PIAS4: variants seen among roughly 807,000 people sequenced by gnomAD.
PIAS4 encodes protein inhibitor of activated STAT 4.
A neutral mutation model predicts 58.0 loss-of-function variants in PIAS4; 7 were observed. The observed-to-expected ratio is 0.12, with a 90% confidence interval of 0.07 to 0.23. The LOEUF (loss-of-function observed/expected upper bound fraction) is 0.23, where lower values mean the gene tolerates loss of function less well. PIAS4 is among the 10% of genes least tolerant of loss of function. PIAS4 has a pLI of 1.00. For missense variants in PIAS4, 550 were observed against 709.5 expected, an observed-to-expected ratio of 0.78 and a Z score of 2.55; for synonymous variants, 364 against 312.4, an observed-to-expected ratio of 1.17 and a Z score of -1.74.
At chr19:4,036,770 C>T (rs1036892943) in intron 9 of PIAS4, among the ~76,000 whole-genome samples, 10 of 145,332 alleles carry the variant, frequency 6.9e-5, no homozygotes, top group South Asian at 4.4e-4. Flanking sequence ...TGGTCTACAC[C>T]GTCACACACA....
chr19:4,035,639 A>C (rs1388206887), intron 9 of PIAS4, among the ~76,000 whole-genome samples: 1 of 152,048 alleles, frequency 6.6e-6, no homozygotes, highest in East Asian at 1.9e-4. Context: ...TTGAGCAGCC[A>C]GCACCTTCAC....
At chr19:4,029,337 C>T (rs756746063) in intron 7 of PIAS4, among the ~76,000 whole-genome samples, 55 of 152,124 alleles carry the variant, frequency 3.6e-4, no homozygotes, top group African/African-American at 1.2e-3. Context: ...AGCCTCATTC[C>T]GGGACAGCAC....
intron 2 of PIAS4, among the ~76,000 whole-genome samples, chr19:4,022,602 G>A (rs921993432): frequency 2.6e-5 from 4 of 151,760 alleles, no homozygotes; most frequent in South Asian, 2.1e-4. Flanking sequence ...TCCTGACCTC[G>A]TGATCCACCC....
intron 3 of PIAS4, among the ~76,000 whole-genome samples, chr19:4,024,808 C>T (rs10415590): frequency 0.87 from 132,296 of 151,834 alleles, 58,332 homozygotes; most frequent in East Asian, 0.96. Context: ...TCCAGGCTTC[C>T]AGGCTGGAGT....
In PIAS4 at chr19:4,013,396, C is replaced by T. The variant is rs2040019039; in HGVS notation, c.454+47C>T. ...GCTGCGACTGGAGGCTTCACCTAGGCCCCGTCGCCCAGCCCAGCCCAGCCA... is the reference window on the plus strand; with the variant it reads ...GCTGCGACTGGAGGCTTCACCTAGGTCCCGTCGCCCAGCCCAGCCCAGCCA... On this transcript the variant is annotated intron_variant, in intron 2 of 10. Coordinates refer to ENST00000262971, the MANE Select transcript of PIAS4 (RefSeq NM_015897.4). The surrounding 1 kb of genome is among the most constrained non-coding windows in gnomAD (Gnocchi z 5.1). 1 of 1,521,138 alleles carries T rather than the reference C, an allele frequency of 6.6e-7. No individual in the cohort carries two copies. Among genetic ancestry groups the T allele is most frequent in the Non-Finnish European group, 9.0e-7 (1 of 1,111,542 alleles). The allele number at this position is 1,521,138 out of a possible 1,614,324, so 94.2% of individuals were successfully genotyped here.
At position 4,036,496 on chromosome 19, in the gene PIAS4, TCATA is replaced by T. The variant is rs1188474219; in HGVS notation, c.1143-875_1143-872del. Among the ~76,000 whole-genome samples, 9 of 127,688 alleles carry T rather than the reference TCATA, an allele frequency of 7.0e-5. 1 individual carries two copies. Among genetic ancestry groups the T allele is most frequent in the African/African-American group, 9.8e-5 (3 of 30,722 alleles). The allele number at this position is 127,688 out of a possible 152,430, so 83.8% of individuals were successfully genotyped here. On this transcript the variant is annotated intron_variant, in intron 9 of 10. Transcript: ENST00000262971. ...TCACACATCCATACAGTCCACACCGTCATACAAACACACACACATCTATACAGTC... is the reference window on the plus strand; with the variant it reads ...TCACACATCCATACAGTCCACACCGTCAAACACACACACATCTATACAGTC...
chr19:4,039,326 A>G lies in PIAS4; in HGVS notation c.*1451A>G, dbSNP rs993196527. The stretch of plus-strand genomic sequence containing the variant: ...CAGCTGAAGGCCGCTGTTTTCTAAT[A>G]TTTGTATTCTAATTTAATTGTTTTT... On this transcript the variant is annotated 3_prime_UTR_variant, in exon 11 of 11. Transcript: ENST00000262971. 2 of 152,212 alleles carry G rather than the reference A, an allele frequency of 1.3e-5. No individual in the cohort carries two copies. The highest frequency in any genetic ancestry group is 4.8e-5 in the African/African-American group (2 of 41,452). The allele number at this position is 152,212 out of a possible 1,614,324, so 9.4% of individuals were successfully genotyped here. A position where few individuals can be genotyped will look rare whatever the true frequency, so the allele number is the denominator to read the frequency against.
Position 4,038,982 on chromosome 19 carries a change from C to T in PIAS4, c.*1107C>T, listed in dbSNP as rs2040333180. On this transcript the variant is annotated 3_prime_UTR_variant, in exon 11 of 11. Coordinates refer to ENST00000262971, the MANE Select transcript of PIAS4 (RefSeq NM_015897.4). This position sits in a 1 kb window ranked among gnomAD's most constrained non-coding sequence, Gnocchi z 4.1. ...TCGCAGGCCCCACCCATGCCCTTGG[C>T]CTCAGGGTCCAACAACTGGGGGAGC... 6.6e-6 allele frequency: 1 copy of T among 152,370 alleles called. No individual in the cohort carries two copies. Among genetic ancestry groups the T allele is most frequent in the South Asian group, 2.1e-4 (1 of 4,834 alleles). The allele number at this position is 152,370 out of a possible 1,614,324, so 9.4% of individuals were successfully genotyped here. A position where few individuals can be genotyped will look rare whatever the true frequency, so the allele number is the denominator to read the frequency against.
At position 4,037,683 on chromosome 19, in the gene PIAS4, G is replaced by T. The variant is rs376116689; in HGVS notation, c.1341G>T (p.Thr447=). Residue 447 remains threonine, a synonymous_variant, in exon 11 of 11, where the codon ACG becomes ACT. Coordinates refer to ENST00000262971, the MANE Select transcript of PIAS4 (RefSeq NM_015897.4). This position sits in a 1 kb window ranked among gnomAD's most constrained non-coding sequence, Gnocchi z 5.8. ...SVNGSGALGS[T]GGGGPVGSME... ...ACGGGAGCGGTGCCCTGGGCAGCACGGGTGGCGGCGGCCCGGTGGGCAGCA... is the reference window on the plus strand; with the variant it reads ...ACGGGAGCGGTGCCCTGGGCAGCACTGGTGGCGGCGGCCCGGTGGGCAGCA... 6.2e-7 allele frequency: 1 copy of T among 1,611,958 alleles called. No homozygotes were observed. The highest frequency in any genetic ancestry group is 2.2e-5 in the East Asian group (1 of 44,872).
chr19:4,020,996 C>T (rs982440574), intron 2 of PIAS4, among the ~76,000 whole-genome samples: 3 of 152,160 alleles, frequency 2.0e-5, no homozygotes, highest in Admixed American at 6.5e-5. Context: ...TCTGTGCTTA[C>T]CTTTATAAGG....
intron 9 of PIAS4, among the ~76,000 whole-genome samples, chr19:4,036,679 T>C (rs566012070): frequency 7.4e-6 from 1 of 134,622 alleles, no homozygotes; most frequent in East Asian, 2.0e-4. Context: ...GTCCACACCG[T>C]CACACATCCA....
At position 4,014,313 on chromosome 19, in the gene PIAS4, G is replaced by T. The variant is rs1316556699; in HGVS notation, c.454+964G>T. Among the ~76,000 whole-genome samples the T allele has an allele frequency of 2.0e-5, 3 of 152,128 alleles. No homozygotes were observed. The East Asian group carries it at 5.8e-4, about 29-fold the overall frequency. On this transcript the variant is annotated intron_variant, in intron 2 of 10. Coordinates refer to ENST00000262971, the MANE Select transcript of PIAS4 (RefSeq NM_015897.4). ...CCCCTGGTGCCTCCCCAGCAGCCGT[G>T]GCCATTCAGGCTGCAGGTGGGCATT...
intron 7 of PIAS4, among the ~76,000 whole-genome samples, chr19:4,030,155 A>G (rs1047160106): frequency 1.4e-5 from 2 of 146,582 alleles, no homozygotes; most frequent in Non-Finnish European, 3.0e-5. Flanking sequence ...TAGAGATGGA[A>G]TCTTGCTGTG....
chr19:4,011,656 TTTGGTGTGGAGGTGTGG>T (rs1229099035), intron 1 of PIAS4, among the ~76,000 whole-genome samples: 4,045 of 148,242 alleles, frequency 0.027, 79 homozygotes, highest in Middle Eastern at 0.064. Context: ...TGGAGGTGTG[TTTGGTGTGGAGGTGTGG>T]GGGGTGTGGA....
intron 1 of PIAS4, among the ~76,000 whole-genome samples, chr19:4,012,453 G>A (rs148628805): frequency 2.6e-3 from 390 of 152,182 alleles, no homozygotes; most frequent in African/African-American, 8.9e-3. Flanking sequence ...TGGCGAGACC[G>A]AAGGGAAAAC....
rs745893168 is a variant in PIAS4 at position 4,037,573 on chromosome 19, G to A, written c.1274-43G>A. The A allele has an allele frequency of 1.2e-6, 2 of 1,607,440 alleles. No homozygotes were observed. Among genetic ancestry groups the A allele is most frequent in the Non-Finnish European group, 1.7e-6 (2 of 1,179,746 alleles). On this transcript the variant is annotated intron_variant, in intron 10 of 10. Coordinates refer to ENST00000262971, the MANE Select transcript of PIAS4 (RefSeq NM_015897.4). The surrounding 1 kb of genome is among the most constrained non-coding windows in gnomAD (Gnocchi z 5.8). ...CGCCTCAGTTTCCCCATTTATCAGTGGTTGCATCCTAAGTACCTGCACCCT... is the reference window on the plus strand; with the variant it reads ...CGCCTCAGTTTCCCCATTTATCAGTAGTTGCATCCTAAGTACCTGCACCCT...
At chr19:4,025,071 G>A (rs2040149229) in intron 3 of PIAS4, among the ~76,000 whole-genome samples, 1 of 152,220 alleles carries the variant, frequency 6.6e-6, no homozygotes, top group African/African-American at 2.4e-5. Flanking sequence ...GCGGAAGTCA[G>A]GTTTTTTCCC....
chr19:4,014,348 C>A (rs2040030404), intron 2 of PIAS4, among the ~76,000 whole-genome samples: 1 of 152,182 alleles, frequency 6.6e-6, no homozygotes, highest in Admixed American at 6.5e-5. Context: ...TGAGCCCAGT[C>A]TCTGCCTCAG....
chr19:4,033,038 TCA>T (rs2040237141), intron 7 of PIAS4, 60 bp from the exon 8 acceptor site: 5 of 1,360,286 alleles, frequency 3.7e-6, no homozygotes, highest in Non-Finnish European at 5.2e-6. Context: ...AGAACTCGAA[TCA>T]CAGCCCCGCG....
Sources: allele counts gnomAD v4.1 joint callset (sites outside exome capture counted in the v4.1 genomes callset), GRCh38; gene constraint gnomAD v4.1.1; non-coding constraint Gnocchi (gnomAD v3.1); transcripts MANE v1.5; gene names NCBI Gene and HGNC (gene_info 2026-07-23, HGNC 2026-07-21).